GLB1: variants seen among roughly 807,000 people sequenced by gnomAD.
GLB1 encodes the protein beta-galactosidase.
A neutral mutation model predicts 74.0 loss-of-function variants in GLB1; 56 were observed. The observed-to-expected ratio is 0.76, with a 90% confidence interval of 0.61 to 0.94. The LOEUF is 0.94. GLB1 is among the 40% of genes least tolerant of loss of function. GLB1 has a pLI of 0.00. For synonymous variants in GLB1, 323 were observed against 323.6 expected (o/e 1.00, Z 0.02); for missense variants, 787 against 845.5 (o/e 0.93, Z 0.86).
rs189088441 is a variant in GLB1 at position 33,077,138 on chromosome 3, C to T, written c.76-4425G>A. The T allele has an allele frequency of 1.4e-3, 2,033 of 1,434,496 alleles. 34 individuals are homozygous for T. The South Asian group carries it at 0.022, about 15-fold the overall frequency. 88.9% of individuals were successfully genotyped at this position (1,434,496 alleles called of 1,614,324 possible). Reference sequence around the variant, plus strand: ...CTTCTCCCACTCCTGTTGCTGCTTGCGTGCTCATTCGGTGCAGTCTTGGTA... The same window carrying T: ...CTTCTCCCACTCCTGTTGCTGCTTGTGTGCTCATTCGGTGCAGTCTTGGTA... On this transcript the variant is annotated intron_variant, in intron 1 of 15. Transcript: ENST00000307363.
At chr3:33,042,026 CCT>C (rs58321438) in intron 10 of GLB1, among the ~76,000 whole-genome samples, 11,445 of 152,182 alleles carry the variant, frequency 0.075, 559 homozygotes, top group East Asian at 0.24. Context: ...ACCCGACTCT[CCT>C]CTCTTTCATA....
In GLB1 at chr3:33,016,746, C is replaced by T. The variant is rs747812191; in HGVS notation, c.1442G>A (p.Gly481Glu). 7.4e-6 allele frequency: 12 copies of T among 1,614,132 alleles called. No individual in the cohort carries two copies. The highest frequency in any genetic ancestry group is 9.3e-6 in the Non-Finnish European group (11 of 1,180,000). ...ATLDLLVENM[G>E]RVNYGAYIND... ...GATATATGCACCATAGTTCACACGTCCCATGTTCTCTACCAGAAGGTCCAG... is the reference window on the plus strand; with the variant it reads ...GATATATGCACCATAGTTCACACGTTCCATGTTCTCTACCAGAAGGTCCAG... The change falls in exon 14 of 16, where the codon GGA (glycine) becomes GAA (glutamate). Residue 481 changes from glycine (G) to glutamate (E), a missense_variant. Transcript: ENST00000307363.
Position 33,093,539 on chromosome 3 carries a change from G to A in GLB1, c.75+3472C>T. On this transcript the variant is annotated intron_variant, in intron 1 of 15. Transcript: ENST00000307363. This position sits in a 1 kb window ranked among gnomAD's most constrained non-coding sequence, Gnocchi z 6.0. ...TTTCCATCTTGGTCCTGCCCACTGT[G>A]GGGCCCAAGTGAATGTCTGAGAGGA... 12 of 1,614,192 alleles carry A rather than the reference G, an allele frequency of 7.4e-6. No individual in the cohort carries two copies. The highest frequency in any genetic ancestry group is 1.0e-5 in the Non-Finnish European group (12 of 1,180,036).
chr3:32,999,653 G>A (rs768910838), intron 15 of GLB1, among the ~76,000 whole-genome samples: 4 of 152,164 alleles, frequency 2.6e-5, no homozygotes, highest in Non-Finnish European at 4.4e-5. Context: ...TTGAGATTGG[G>A]AGGGTGGAGA....
At chr3:33,046,422 G>GGTAGCAC (rs1698742503) in intron 9 of GLB1, among the ~76,000 whole-genome samples, 190 bp from the exon 10 acceptor site, 1 of 151,780 alleles carries the variant, frequency 6.6e-6, no homozygotes, top group South Asian at 2.1e-4. Flanking sequence ...ACAGGTAGCA[G>GGTAGCAC]TTACCAGGCA....
chr3:33,034,647 G>A (rs1698195387), intron 10 of GLB1: 1 of 729,292 alleles, frequency 1.4e-6, no homozygotes, highest in Non-Finnish European at 2.6e-6. Flanking sequence ...TAGCATGCGG[G>A]CAGGTCCATC....
At chr3:33,074,551 T>C (rs1700038558) in intron 1 of GLB1, among the ~76,000 whole-genome samples, 1 of 151,490 alleles carries the variant, frequency 6.6e-6, no homozygotes, top group Admixed American at 6.6e-5. Context: ...TGTTTTGGGG[T>C]CACTTCAGGA....
At chr3:33,032,458 C>A (rs1176471841) in intron 10 of GLB1, among the ~76,000 whole-genome samples, 5 of 152,180 alleles carry the variant, frequency 3.3e-5, no homozygotes, top group African/African-American at 1.2e-4. Flanking sequence ...GATCCCAGTA[C>A]CCACCTAGTT....
At chr3:33,088,650 TG>T (rs1700628644) in intron 1 of GLB1, among the ~76,000 whole-genome samples, 1 of 151,898 alleles carries the variant, frequency 6.6e-6, no homozygotes, top group African/African-American at 2.4e-5. Context: ...CACAAACAAA[TG>T]GAAAAAACAT....
Position 33,093,615 on chromosome 3 carries a change from T to A in GLB1, c.75+3396A>T. ...GGCAGGCAGCTGATGGATGGGCACC[T>A]CCACAGTTTTCACAGCCGGGGGCTG... is the stretch of plus-strand genomic sequence containing the variant. On this transcript the variant is annotated intron_variant, in intron 1 of 15. Transcript: ENST00000307363. This position sits in a 1 kb window ranked among gnomAD's most constrained non-coding sequence, Gnocchi z 6.0. 1 of 1,614,120 alleles carries A rather than the reference T, an allele frequency of 6.2e-7. No individual in the cohort carries two copies. Among genetic ancestry groups the A allele is most frequent in the South Asian group, 1.1e-5 (1 of 91,076 alleles).
At chr3:33,033,768 G>C in intron 10 of GLB1, 1 of 293,700 alleles carries the variant, frequency 3.4e-6, no homozygotes, top group Non-Finnish European at 6.4e-6. Context: ...GTGACAGAGC[G>C]AGACTGTCTC....
intron 10 of GLB1, among the ~76,000 whole-genome samples, chr3:33,043,771 G>GAAAGATACCTCAGAAAAATTCCAAGCA (rs1698603214): frequency 1.2e-5 from 1 of 82,258 alleles, no homozygotes; most frequent in Non-Finnish European, 2.9e-5. Context: ...ACAGCATTGG[G>GAAAGATACCTCAGAAAAATTCCAAGCA]AAAGATACCT....
the GLB1 span, among the ~76,000 whole-genome samples, chr3:32,967,936 C>A: frequency 3.3e-5 from 5 of 152,304 alleles, no homozygotes; most frequent in African/African-American, 1.2e-4. Flanking sequence ...GCAGGGAAGC[C>A]TGTCCCATAA....
chr3:33,027,377 T>C (rs1047648899), intron 10 of GLB1, among the ~76,000 whole-genome samples: 1 of 152,208 alleles, frequency 6.6e-6, no homozygotes, highest in African/African-American at 2.4e-5. Flanking sequence ...CCTTGGCAGG[T>C]ATGGGATCCA....
In GLB1 at chr3:33,095,141, GTGGAAGTT is replaced by G. The variant is rs1386774653; in HGVS notation, c.75+1862_75+1869del. ...CAGGAGAATCACTTGAACCTGGGAG[GTGGAAGTT>G]GTAGTGAGCCAAGATCGTGCCACTG... On this transcript the variant is annotated intron_variant, in intron 1 of 15. Transcript: ENST00000307363. Among the ~76,000 whole-genome samples, 929 of 136,566 alleles carry G rather than the reference GTGGAAGTT, an allele frequency of 6.8e-3. 15 individuals carry two copies. The highest frequency in any genetic ancestry group is 0.024 in the African/African-American group (873 of 36,032). 89.6% of individuals were successfully genotyped at this position (136,566 alleles called of 152,430 possible).
chr3:33,082,022 C>T (rs1398080977), intron 1 of GLB1, among the ~76,000 whole-genome samples: 1 of 152,200 alleles, frequency 6.6e-6, no homozygotes, highest in Non-Finnish European at 1.5e-5. Context: ...CATTACCACC[C>T]CAAGTCCACA....
At chr3:33,005,202 A>G (rs992322674) in intron 15 of GLB1, among the ~76,000 whole-genome samples, 7 of 152,162 alleles carry the variant, frequency 4.6e-5, no homozygotes, top group African/African-American at 7.2e-5. Flanking sequence ...GGTGGGATTG[A>G]AAGAGGCTAG....
rs1291361971 is a variant in GLB1, at chr3:32,997,326, C to T, written c.1753G>A (p.Gly585Ser). Reference protein sequence around the residue: ...GWTKGQVWINGFNLGRYWPAR... With the variant: ...GWTKGQVWINSFNLGRYWPAR... ...GGCCAATAGCGGCCAAGGTTAAAGCCATTAATCCAGACCTGGCCCTGGAGA... is the reference window on the plus strand; with the variant it reads ...GGCCAATAGCGGCCAAGGTTAAAGCTATTAATCCAGACCTGGCCCTGGAGA... Residue 585 changes from glycine (G) to serine (S), a missense_variant, in exon 16 of 16, where the codon GGC becomes AGC. Gly to Ser is a moderately conservative substitution (Grantham distance 56, BLOSUM62 0). Coordinates refer to ENST00000307363, the MANE Select transcript of GLB1 (RefSeq NM_000404.4). The T allele has an allele frequency of 1.6e-5, 26 of 1,613,318 alleles. No homozygotes were observed. The highest frequency in any genetic ancestry group is 2.2e-5 in the Non-Finnish European group (26 of 1,180,008).
chr3:32,961,619 G>A, the GLB1 span, among the ~76,000 whole-genome samples: 109 of 152,316 alleles, frequency 7.2e-4, no homozygotes, highest in Middle Eastern at 6.8e-3. Context: ...CATCGCCTTC[G>A]TCCTAGGCAG....
Sources: gnomAD v4.1 joint callset for allele counts (sites outside exome capture counted in the v4.1 genomes callset) on GRCh38, gnomAD v4.1.1 for gene constraint, Gnocchi (gnomAD v3.1) non-coding constraint, MANE v1.5 for transcripts, NCBI Gene and HGNC (gene_info 2026-07-23, HGNC 2026-07-21) for gene names.